KAT7: variants seen among roughly 807,000 people sequenced by gnomAD.
The protein encoded by KAT7 is lysine acetyltransferase 7, also known as histone acetyltransferase KAT7.
KAT7 carries 10 observed loss-of-function variants against 82.1 expected under a neutral mutation model. The ratio of observed to expected loss-of-function variants is 0.12; its 90% CI spans 0.08 to 0.21. KAT7 has a LOEUF of 0.21. KAT7 is among the 10% of genes least tolerant of loss of function. The pLI, the probability that KAT7 is intolerant of heterozygous loss-of-function variation, is 1.00. For missense variants in KAT7, 378 were observed against 760.9 expected (o/e 0.50, Z 5.92); for synonymous variants, 250 against 262.5 (o/e 0.95, Z 0.46).
At chr17:49,792,600 C>T (rs551526014) in intron 2 of KAT7, among the ~76,000 whole-genome samples, 8 of 152,084 alleles carry the variant, frequency 5.3e-5, no homozygotes, top group Non-Finnish European at 8.8e-5. Flanking sequence ...GTCAGTGAGC[C>T]GTAACTCCCA....
chr17:49,824,282 G>C (rs547786598), intron 12 of KAT7, among the ~76,000 whole-genome samples: 7 of 152,256 alleles, frequency 4.6e-5, no homozygotes, highest in African/African-American at 1.7e-4. Flanking sequence ...TTCTATATTT[G>C]ATGTCCACTG....
intron 5 of KAT7, 113 bp downstream of exon 5, chr17:49,805,558 C>T: frequency 3.2e-6 from 2 of 628,200 alleles, no homozygotes; most frequent in Admixed American, 3.0e-5. Flanking sequence ...GGTCCTTGTT[C>T]TTACATTGTA....
rs1225301294 is a variant in KAT7, at chr17:49,795,008, A to G, written c.164-1742A>G. 1.0e-4 allele frequency among the ~76,000 whole-genome samples: 15 copies of G among 145,666 alleles called. No homozygotes were observed. The South Asian group carries it at 3.0e-3, about 29-fold the overall frequency. ...TAGAGAATCTATAAGATTTCTTCAG[A>G]TTTTTTTTTTTTTTAAATATACGTT... On this transcript the variant is annotated intron_variant, in intron 2 of 14. Transcript: ENST00000259021.
In KAT7 at chr17:49,831,820, C is replaced by T. The variant is rs2074427347; in HGVS notation, c.*4318C>T. 6.6e-6 allele frequency: 1 copy of T among 151,908 alleles called. No homozygotes were observed. Among genetic ancestry groups the T allele is most frequent in the African/African-American group, 2.4e-5 (1 of 41,306 alleles). The allele number at this position is 151,908 out of a possible 1,614,324, so 9.4% of individuals were successfully genotyped here. On this transcript the variant is annotated 3_prime_UTR_variant, in exon 15 of 15. Coordinates refer to ENST00000259021, the MANE Select transcript of KAT7 (RefSeq NM_007067.5). ...GGACTACAGGTGCCCACCACCACGCCCAGCTAATTTTTTGTATTTTTAGTA... is the reference window on the plus strand; with the variant it reads ...GGACTACAGGTGCCCACCACCACGCTCAGCTAATTTTTTGTATTTTTAGTA...
chr17:49,827,926 C>T lies in KAT7; in HGVS notation c.*424C>T, dbSNP rs187741276. 1.8e-3 allele frequency: 303 copies of T among 164,908 alleles called. 2 individuals carry two copies. The highest frequency in any genetic ancestry group is 6.8e-3 in the African/African-American group (286 of 41,954). 10.2% of individuals were successfully genotyped at this position (164,908 alleles called of 1,614,324 possible). On this transcript the variant is annotated 3_prime_UTR_variant, in exon 15 of 15. Transcript: ENST00000259021. ...CACCACCAGGACCTTTCCAGTTACT[C>T]CTTATATGTGTGTTCTATGGAGGGG... is the stretch of plus-strand genomic sequence containing the variant.
chr17:49,795,625 A>G (rs1158337832), intron 2 of KAT7: 1 of 243,534 alleles, frequency 4.1e-6, no homozygotes, highest in Admixed American at 4.1e-5. Flanking sequence ...TGGGCTGAAG[A>G]AAAGGGACAA....
chr17:49,788,809 G>T lies in KAT7; in HGVS notation c.-26G>T. 6.3e-7 allele frequency: 1 copy of T among 1,579,280 alleles called. No individual in the cohort carries two copies. Among genetic ancestry groups the T allele is most frequent in the Non-Finnish European group, 8.6e-7 (1 of 1,163,256 alleles). Reference sequence around the variant, plus strand: ...GCTGCTGCCGCCGCTGCCCGAATCGGAACCGTCGGGCCGCAGCCGCCGGCA... The same window carrying T: ...GCTGCTGCCGCCGCTGCCCGAATCGTAACCGTCGGGCCGCAGCCGCCGGCA... On this transcript the variant is annotated 5_prime_UTR_variant, in exon 1 of 15. Coordinates refer to ENST00000259021, the MANE Select transcript of KAT7 (RefSeq NM_007067.5).
intron 10 of KAT7, 35 bp from the exon 11 acceptor site, chr17:49,821,615 T>C (rs1323112191): frequency 6.2e-7 from 1 of 1,611,416 alleles, no homozygotes; most frequent in East Asian, 2.2e-5. Context: ...TAGGAATCAG[T>C]GGCCCACACA....
At chr17:49,792,195 T>G (rs914179934) in intron 2 of KAT7, among the ~76,000 whole-genome samples, 162 bp downstream of exon 2, 1 of 152,230 alleles carries the variant, frequency 6.6e-6, no homozygotes, top group Non-Finnish European at 1.5e-5. Context: ...TTGTCAGGTC[T>G]TTAACAATGC....
At chr17:49,819,168 G>T (rs2074271703) in intron 9 of KAT7, among the ~76,000 whole-genome samples, 2 of 152,150 alleles carry the variant, frequency 1.3e-5, no homozygotes, top group South Asian at 4.2e-4. Context: ...TGTGATTTCT[G>T]TCATTATACT....
intron 12 of KAT7, among the ~76,000 whole-genome samples, chr17:49,825,462 T>C (rs1182715821): frequency 6.6e-6 from 1 of 152,236 alleles, no homozygotes; most frequent in Non-Finnish European, 1.5e-5. Context: ...TTTTAGTGCC[T>C]ATTACAGTAG....
chr17:49,808,960 T>TG lies in KAT7; in HGVS notation c.664-158dup, dbSNP rs879161140. Among the ~76,000 whole-genome samples the TG allele has an allele frequency of 2.0e-5, 3 of 152,364 alleles. No homozygotes were observed. The South Asian group carries it at 6.2e-4, about 32-fold the overall frequency. ...GGCTGAGAAGGCAGAATGTGAATCTTGCATTATCTCTTTCTTGTAGAGATT... is the reference window on the plus strand; with the variant it reads ...GGCTGAGAAGGCAGAATGTGAATCTTGGCATTATCTCTTTCTTGTAGAGATT... On this transcript the variant is annotated intron_variant, in intron 5 of 14. Transcript: ENST00000259021.
chr17:49,806,527 C>T (rs1224736359), intron 5 of KAT7, among the ~76,000 whole-genome samples: 4 of 152,156 alleles, frequency 2.6e-5, no homozygotes, highest in African/African-American at 7.2e-5. Context: ...ACAGAAAAAG[C>T]TGTGCCCACA....
chr17:49,826,546 C>T, intron 13 of KAT7, 147 bp from the exon 14 acceptor site: 1 of 632,344 alleles, frequency 1.6e-6, no homozygotes, highest in South Asian at 1.8e-5. Context: ...CAAATGAATA[C>T]TTTGTAAACT....
At chr17:49,801,350 A>C (rs1024471536) in intron 4 of KAT7, among the ~76,000 whole-genome samples, 34 of 152,014 alleles carry the variant, frequency 2.2e-4, no homozygotes, top group African/African-American at 8.0e-4. Context: ...ACGCCTGGCT[A>C]ATTTTTGTAT....
chr17:49,818,093 C>A, intron 9 of KAT7, 82 bp downstream of exon 9: 1 of 1,091,508 alleles, frequency 9.2e-7, no homozygotes, highest in Non-Finnish European at 1.4e-6. Context: ...GCGATGGCAT[C>A]TGTTCAGGCA....
rs1204120005 is a variant in KAT7 at position 49,834,057 on chromosome 17, G to A, written c.*6555G>A. On this transcript the variant is annotated 3_prime_UTR_variant, in exon 15 of 15. Coordinates refer to ENST00000259021, the MANE Select transcript of KAT7 (RefSeq NM_007067.5). ...CTTCGCTGTCAGTCAAATTGCTTCT[G>A]AGATAACTGGCTGGCCTTGGAATTC... 1 of 152,244 alleles carries A rather than the reference G, an allele frequency of 6.6e-6. No homozygotes were observed. The highest frequency in any genetic ancestry group is 2.4e-5 in the African/African-American group (1 of 41,450). The allele number at this position is 152,244 out of a possible 1,614,324, so 9.4% of individuals were successfully genotyped here. A position where few individuals can be genotyped will look rare whatever the true frequency, so the allele number is the denominator to read the frequency against.
rs1913272779 is a variant in KAT7, at chr17:49,830,834, C to T, written c.*3332C>T. On this transcript the variant is annotated 3_prime_UTR_variant, in exon 15 of 15. Transcript: ENST00000259021. ...TGATTCCTTAATGATGAATCATCCTCTCCCTTCTAGTTGGATTTGTTTCTA... is the reference window on the plus strand; with the variant it reads ...TGATTCCTTAATGATGAATCATCCTTTCCCTTCTAGTTGGATTTGTTTCTA... 1 of 152,204 alleles carries T rather than the reference C, an allele frequency of 6.6e-6. No individual in the cohort carries two copies. The highest frequency in any genetic ancestry group is 1.5e-5 in the Non-Finnish European group (1 of 68,038). 9.4% of individuals were successfully genotyped at this position (152,204 alleles called of 1,614,324 possible).
At chr17:49,814,628 A>T (rs2074211352) in intron 7 of KAT7, among the ~76,000 whole-genome samples, 1 of 152,158 alleles carries the variant, frequency 6.6e-6, no homozygotes, top group Admixed American at 6.5e-5. Flanking sequence ...ACCTTAACAA[A>T]CATCTGCTCT....
Sources: allele counts gnomAD v4.1 joint callset (sites outside exome capture counted in the v4.1 genomes callset), GRCh38; gene constraint gnomAD v4.1.1; transcripts MANE v1.5; gene names NCBI Gene and HGNC (gene_info 2026-07-23, HGNC 2026-07-21).